PHF14: variants seen among roughly 807,000 people sequenced by gnomAD.
PHF14 encodes the protein PHD finger protein 14.
In PHF14, 55 loss-of-function variants were observed where a neutral mutation model predicts 117.9. The ratio of observed to expected loss-of-function variants is 0.47; its 90% CI spans 0.38 to 0.58. The LOEUF is 0.58. Ranked by LOEUF, PHF14 falls within the 20% of genes least tolerant of loss-of-function variation. The pLI is 0.00. For synonymous variants in PHF14, 409 were observed against 368.6 expected (o/e 1.11, Z -1.26); for missense variants, 978 against 1,122.2 (o/e 0.87, Z 1.84).
chr7:11,089,924 G>A (rs867629421), intron 16 of PHF14, among the ~76,000 whole-genome samples: 7 of 151,962 alleles, frequency 4.6e-5, no homozygotes, highest in Non-Finnish European at 8.8e-5. Context: ...GGCATGTGCC[G>A]TCACGACCGG....
At chr7:11,059,405 A>T (rs1447094065) in intron 14 of PHF14, among the ~76,000 whole-genome samples, 1 of 152,236 alleles carries the variant, frequency 6.6e-6, no homozygotes. Flanking sequence ...CATTCTGTTT[A>T]GAAGTTTGTA....
intron 17 of PHF14, among the ~76,000 whole-genome samples, chr7:11,147,344 C>A (rs1235177432): frequency 6.6e-6 from 1 of 152,114 alleles, no homozygotes; most frequent in Admixed American, 6.5e-5. Flanking sequence ...TTTGGTCTTT[C>A]CATTATGATT....
chr7:11,100,926 A>G (rs754175226), intron 16 of PHF14, among the ~76,000 whole-genome samples: 2 of 151,982 alleles, frequency 1.3e-5, no homozygotes, highest in African/African-American at 2.4e-5. Context: ...TTCTAACTAT[A>G]TAAGATACAG....
chr7:11,156,657 T>C (rs1788864408), intron 17 of PHF14, among the ~76,000 whole-genome samples: 1 of 151,944 alleles, frequency 6.6e-6, no homozygotes, highest in Non-Finnish European at 1.5e-5. Flanking sequence ...TAGCCGGGTG[T>C]AGTGGCAGGC....
chr7:11,017,856 G>A (rs1404720331), intron 5 of PHF14, among the ~76,000 whole-genome samples: 2 of 152,066 alleles, frequency 1.3e-5, no homozygotes, highest in Admixed American at 1.3e-4. Flanking sequence ...CAATGTCCTG[G>A]ATTCCCCAAT....
intron 6 of PHF14, among the ~76,000 whole-genome samples, chr7:11,026,322 A>T (rs979928142): frequency 2.0e-5 from 3 of 152,206 alleles, no homozygotes; most frequent in Non-Finnish European, 2.9e-5. Context: ...AAAATACATA[A>T]TGTTATTATG....
Position 11,058,304 on chromosome 7 carries a change from T to C in PHF14, c.2482-3487T>C, listed in dbSNP as rs544192412. Among the ~76,000 whole-genome samples the C allele has an allele frequency of 3.9e-5, 6 of 152,306 alleles. No individual in the cohort carries two copies. The South Asian group carries it at 1.2e-3, about 32-fold the overall frequency. ...TTAAATTCTACTTATGTTTTGGGAT[T>C]CATTCAAGTACACTACTTTCAAGAT... On this transcript the variant is annotated intron_variant, in intron 14 of 17. Transcript: ENST00000634607.
At chr7:11,062,194 A>G (rs1785250305) in intron 16 of PHF14, 109 bp downstream of exon 16, 1 of 859,644 alleles carries the variant, frequency 1.2e-6, no homozygotes, top group South Asian at 2.2e-5. Flanking sequence ...TTCTTAAAAT[A>G]TTATATAGTG....
chr7:10,980,669 G>A (rs1782019295), intron 2 of PHF14, among the ~76,000 whole-genome samples: 1 of 152,142 alleles, frequency 6.6e-6, no homozygotes, highest in Admixed American at 6.5e-5. Flanking sequence ...AAGCCTAACG[G>A]AACTGGTAGG....
At chr7:11,047,048 T>G (rs570271155) in intron 13 of PHF14, among the ~76,000 whole-genome samples, 1 of 152,094 alleles carries the variant, frequency 6.6e-6, no homozygotes, top group East Asian at 1.9e-4. Context: ...CGAATAAAAT[T>G]CTCTAAATTA....
chr7:11,090,152 T>C (rs1197946927), intron 16 of PHF14, among the ~76,000 whole-genome samples: 1 of 152,224 alleles, frequency 6.6e-6, no homozygotes, highest in African/African-American at 2.4e-5. Flanking sequence ...GTGATTTAAT[T>C]CATAAATAGG....
chr7:10,981,308 G>A (rs1782037090), intron 2 of PHF14, among the ~76,000 whole-genome samples: 1 of 151,902 alleles, frequency 6.6e-6, no homozygotes, highest in Non-Finnish European at 1.5e-5. Context: ...GATTTTACTG[G>A]CTAAGACTTA....
At chr7:10,996,827 A>T (rs1413121595) in intron 4 of PHF14, among the ~76,000 whole-genome samples, 1 of 152,206 alleles carries the variant, frequency 6.6e-6, no homozygotes, top group African/African-American at 2.4e-5. Flanking sequence ...AGCCCACAAG[A>T]TAGGTGCCCA....
At chr7:11,132,453 C>T (rs1369879041) in intron 17 of PHF14, among the ~76,000 whole-genome samples, 1 of 151,612 alleles carries the variant, frequency 6.6e-6, no homozygotes, top group African/African-American at 2.4e-5. Context: ...GGATAAATAA[C>T]ATCTCATTTA....
At chr7:11,107,379 A>G (rs1787305451) in intron 16 of PHF14, 1 of 871,820 alleles carries the variant, frequency 1.1e-6, no homozygotes, top group Non-Finnish European at 1.4e-6. Flanking sequence ...ACATTTTGTT[A>G]ATGGGTAAAA....
At chr7:11,125,520 T>C (rs1181669017) in intron 17 of PHF14, among the ~76,000 whole-genome samples, 1 of 152,092 alleles carries the variant, frequency 6.6e-6, no homozygotes, top group Non-Finnish European at 1.5e-5. Context: ...GACAATTCTT[T>C]TGTTAATTCT....
intron 17 of PHF14, among the ~76,000 whole-genome samples, chr7:11,112,342 C>A (rs557255932): frequency 1.3e-5 from 2 of 152,244 alleles, no homozygotes; most frequent in Middle Eastern, 3.4e-3. Flanking sequence ...CAAAAACATT[C>A]TTTTATCATT....
intron 17 of PHF14, among the ~76,000 whole-genome samples, chr7:11,132,121 A>G (rs1005577789): frequency 6.6e-6 from 1 of 151,816 alleles, no homozygotes; most frequent in African/African-American, 2.4e-5. Flanking sequence ...AATAGCTAAA[A>G]TCTACTCATT....
chr7:11,097,079 A>C (rs1786903130), intron 16 of PHF14, among the ~76,000 whole-genome samples: 1 of 146,564 alleles, frequency 6.8e-6, no homozygotes, highest in Non-Finnish European at 1.5e-5. Flanking sequence ...TCCCAGGTTC[A>C]GGTGATTCTC....
Sources: gnomAD v4.1 joint callset for allele counts (sites outside exome capture counted in the v4.1 genomes callset) on GRCh38, gnomAD v4.1.1 for gene constraint, MANE v1.5 for transcripts, NCBI Gene and HGNC (gene_info 2026-07-23, HGNC 2026-07-21) for gene names.